CMBL: variants seen among roughly 807,000 people sequenced by gnomAD.
The protein encoded by CMBL is carboxymethylenebutenolidase homolog, also known as carboxymethylenebutenolidase homolog (Pseudomonas).
Under a neutral mutation model 28.7 loss-of-function variants are expected in CMBL, and 17 were observed. The observed-to-expected ratio is 0.59, with a 90% CI of 0.41 to 0.89. The LOEUF (loss-of-function observed/expected upper bound fraction) is 0.89, where lower values mean the gene tolerates loss of function less well. Among genes scored for constraint, CMBL ranks in the 40% least tolerant of loss-of-function variants. CMBL has a pLI of 0.00. For synonymous variants in CMBL, 106 were observed against 101.6 expected (o/e 1.04, Z -0.26); for missense variants, 310 against 298.5 (o/e 1.04, Z -0.28).
At chr5:10,300,570 C>A (rs1746881548) in intron 1 of CMBL, among the ~76,000 whole-genome samples, 1 of 152,112 alleles carries the variant, frequency 6.6e-6, no homozygotes, top group South Asian at 2.1e-4. Flanking sequence ...GAGGTCGAGG[C>A]ATGGTCATAG....
At chr5:10,304,197 C>CAA (rs756837386) in intron 1 of CMBL, among the ~76,000 whole-genome samples, 45 of 133,770 alleles carry the variant, frequency 3.4e-4, no homozygotes, top group African/African-American at 1.2e-3. Context: ...CCCATCTCTA[C>CAA]AAAAAAAAAA....
chr5:10,295,266 T>G (rs939320517), intron 1 of CMBL, among the ~76,000 whole-genome samples: 5 of 152,136 alleles, frequency 3.3e-5, no homozygotes, highest in Admixed American at 6.5e-5. Flanking sequence ...GTATTTTTAA[T>G]AGAGACGGGG....
rs1345815653 is a variant in CMBL, at chr5:10,278,927, C to T, written c.*1526G>A. 6.6e-6 allele frequency among the ~76,000 whole-genome samples: 1 copy of T among 152,138 alleles called. No homozygotes were observed. Among genetic ancestry groups the T allele is most frequent in the Non-Finnish European group, 1.5e-5 (1 of 68,028 alleles). ...GGTCAAAGAAGGATCCCATGAAAGG[C>T]ACATGGGAAACACCCACGACCACAT... On this transcript the variant is annotated 3_prime_UTR_variant, in exon 6 of 6. Transcript: ENST00000296658.
intron 1 of CMBL, among the ~76,000 whole-genome samples, chr5:10,298,710 T>C (rs1746847271): frequency 6.6e-6 from 1 of 152,158 alleles, no homozygotes; most frequent in African/African-American, 2.4e-5. Flanking sequence ...CTGGCCAACA[T>C]GGCAAAACCC....
chr5:10,297,584 A>C (rs1450307898), intron 1 of CMBL, among the ~76,000 whole-genome samples: 2 of 152,018 alleles, frequency 1.3e-5, no homozygotes, highest in East Asian at 3.9e-4. Context: ...AAAAAAAAAA[A>C]AAAGAGCAAA....
At chr5:10,292,875 G>A (rs1394878581) in intron 1 of CMBL, among the ~76,000 whole-genome samples, 13 of 150,118 alleles carry the variant, frequency 8.7e-5, no homozygotes, top group South Asian at 8.5e-4. Flanking sequence ...GAGGAACTAG[G>A]AACACTAAAC....
At position 10,288,407 on chromosome 5, in the gene CMBL, C is replaced by G. The variant is rs371528623; in HGVS notation, c.323+15G>C. On this transcript the variant is annotated intron_variant, in intron 3 of 5. Coordinates refer to ENST00000296658, the MANE Select transcript of CMBL (RefSeq NM_138809.4). ...GGCCACAACGTGCACATGGCCACGT[C>G]TGCGGATAACTCACCTATCGATCTT... is the stretch of plus-strand genomic sequence containing the variant. 2.6e-4 allele frequency: 420 copies of G among 1,598,950 alleles called. No individual in the cohort carries two copies. The highest frequency in any genetic ancestry group is 3.4e-4 in the Non-Finnish European group (402 of 1,166,466).
At chr5:10,296,641 C>A (rs1042542434) in intron 1 of CMBL, among the ~76,000 whole-genome samples, 1 of 152,102 alleles carries the variant, frequency 6.6e-6, no homozygotes, top group Non-Finnish European at 1.5e-5. Flanking sequence ...TCCTTCAACA[C>A]TAACACTTCA....
At chr5:10,291,642 C>T (rs10060820) in intron 1 of CMBL, among the ~76,000 whole-genome samples, 1 of 149,466 alleles carries the variant, frequency 6.7e-6, no homozygotes, top group Non-Finnish European at 1.5e-5. Context: ...GCCTGGGGGA[C>T]AGAGCGAGAC....
intron 1 of CMBL, among the ~76,000 whole-genome samples, chr5:10,298,500 C>T (rs1414807882): frequency 6.6e-6 from 1 of 152,200 alleles, no homozygotes; most frequent in Non-Finnish European, 1.5e-5. Context: ...GATGGCATTG[C>T]AGCCATGTGT....
chr5:10,306,431 G>A (rs1368077929), intron 1 of CMBL, among the ~76,000 whole-genome samples: 1 of 152,118 alleles, frequency 6.6e-6, no homozygotes, highest in East Asian at 1.9e-4. Context: ...GGGAAGGCCA[G>A]GAGGGAGGGA....
At chr5:10,290,812 G>A in intron 1 of CMBL, 31 bp from the exon 2 acceptor site, 1 of 1,494,728 alleles carries the variant, frequency 6.7e-7, no homozygotes, top group Non-Finnish European at 9.3e-7. Flanking sequence ...GTTATATTCT[G>A]AATGCTGCAA....
At position 10,277,595 on chromosome 5, in the gene CMBL, T is replaced by C. The variant is rs1746418138; in HGVS notation, c.*2858A>G. On this transcript the variant is annotated 3_prime_UTR_variant, in exon 6 of 6. Coordinates refer to ENST00000296658, the MANE Select transcript of CMBL (RefSeq NM_138809.4). ...ATTATTAAAATTAATTTCACTTGTG[T>C]CTCTTTCCTTTTTTTAATGGGGCTA... Among the ~76,000 whole-genome samples the C allele has an allele frequency of 6.6e-6, 1 of 152,084 alleles. No individual in the cohort carries two copies. The highest frequency in any genetic ancestry group is 6.6e-5 in the Admixed American group (1 of 15,248).
intron 1 of CMBL, among the ~76,000 whole-genome samples, chr5:10,299,690 A>AG (rs1554014032): frequency 6.6e-6 from 1 of 151,554 alleles, no homozygotes; most frequent in African/African-American, 2.4e-5. Flanking sequence ...AAAAAAAAAA[A>AG]GCAGAAAAAT....
chr5:10,301,402 T>C (rs1341910493), intron 1 of CMBL, among the ~76,000 whole-genome samples: 1 of 152,092 alleles, frequency 6.6e-6, no homozygotes, highest in Non-Finnish European at 1.5e-5. Context: ...TAATTCAACA[T>C]TGTCATTTGA....
chr5:10,282,693 C>T (rs537416355), intron 4 of CMBL, among the ~76,000 whole-genome samples: 1 of 151,896 alleles, frequency 6.6e-6, no homozygotes, highest in South Asian at 2.1e-4. Context: ...CTAAGGTGGG[C>T]GGATTGCTTG....
chr5:10,290,832 C>A, intron 1 of CMBL, 51 bp from the exon 2 acceptor site: 1 of 1,358,190 alleles, frequency 7.4e-7, no homozygotes, highest in South Asian at 1.2e-5. Context: ...AATCTAAAGG[C>A]TATAAATGGT....
chr5:10,302,255 C>G (rs1746914147), intron 1 of CMBL, among the ~76,000 whole-genome samples: 1 of 152,182 alleles, frequency 6.6e-6, no homozygotes, highest in South Asian at 2.1e-4. Context: ...GCACTGTAAA[C>G]CAAAAATAAA....
At chr5:10,280,761 C>G (rs1746484684) in intron 5 of CMBL, 129 bp from the exon 6 acceptor site, 2 of 816,722 alleles carry the variant, frequency 2.4e-6, no homozygotes, top group Admixed American at 2.7e-5. Context: ...CACAGTTACA[C>G]TGAATTCTTT....
Sources: allele counts gnomAD v4.1 joint callset (sites outside exome capture counted in the v4.1 genomes callset), GRCh38; gene constraint gnomAD v4.1.1; transcripts MANE v1.5; gene names NCBI Gene and HGNC (gene_info 2026-07-23, HGNC 2026-07-21).